Variants in ACTR10 observed in about 807,000 individuals in gnomAD.
ACTR10 encodes actin related protein 10, also known as actin-related protein 10.
A neutral mutation model predicts 56.2 loss-of-function variants in ACTR10; 43 were observed. That is an observed-to-expected ratio of 0.77 (90% CI 0.60 to 0.99). The LOEUF is 0.99. Among genes scored for constraint, ACTR10 ranks in the 50% least tolerant of loss-of-function variants. ACTR10 has a pLI of 0.00. For synonymous variants in ACTR10, 170 were observed against 176.3 expected, an observed-to-expected ratio of 0.96 and a Z score of 0.28; for missense variants, 466 against 507.8, an observed-to-expected ratio of 0.92 and a Z score of 0.79.
At chr14:58,215,104 C>CAAA in intron 6 of ACTR10, 101 bp from the exon 7 acceptor site, 1 of 661,484 alleles carries the variant, frequency 1.5e-6, no homozygotes, top group Non-Finnish European at 2.3e-6. Flanking sequence ...AGACTGTCTC[C>CAAA]AAAAAAAAAA....
chr14:58,206,282 TCTC>T (rs1425115217), intron 2 of ACTR10, among the ~76,000 whole-genome samples: 2 of 151,572 alleles, frequency 1.3e-5, no homozygotes, highest in Non-Finnish European at 1.5e-5. Context: ...TTCAAGCCAT[TCTC>T]CTCTCTCAGC....
intron 5 of ACTR10, among the ~76,000 whole-genome samples, chr14:58,212,747 C>G (rs913916698): frequency 6.6e-6 from 1 of 152,136 alleles, no homozygotes; most frequent in Non-Finnish European, 1.5e-5. Flanking sequence ...GTATACTTAG[C>G]AAACCCACAG....
At chr14:58,230,350 T>G (rs376715342) in intron 10 of ACTR10, 49 bp from the exon 11 acceptor site, 1 of 1,071,958 alleles carries the variant, frequency 9.3e-7, no homozygotes, top group African/African-American at 1.6e-5. Context: ...CTGTGTAATA[T>G]TATAATACGT....
At chr14:58,226,669 C>T (rs750396421) in intron 10 of ACTR10, among the ~76,000 whole-genome samples, 3 of 152,064 alleles carry the variant, frequency 2.0e-5, no homozygotes, top group Admixed American at 1.3e-4. Flanking sequence ...GATGTGGTCT[C>T]GGCTCACCAC....
intron 6 of ACTR10, among the ~76,000 whole-genome samples, chr14:58,214,847 T>G (rs1329767480): frequency 4.1e-5 from 6 of 147,640 alleles, no homozygotes; most frequent in Non-Finnish European, 9.0e-5. Context: ...GGCTCACACC[T>G]GTAATCCCAG....
intron 5 of ACTR10, 153 bp from the exon 6 acceptor site, chr14:58,213,478 C>CTT: frequency 2.1e-6 from 1 of 467,050 alleles, no homozygotes. Context: ...TGAAAAAAAA[C>CTT]TTACTCTTTG....
intron 1 of ACTR10, among the ~76,000 whole-genome samples, chr14:58,201,590 C>G (rs1888704751): frequency 6.6e-6 from 1 of 152,080 alleles, no homozygotes; most frequent in Admixed American, 6.6e-5. Context: ...GACAAGAAGA[C>G]AGGATGTTAA....
chr14:58,221,868 A>C (rs1889280423), intron 8 of ACTR10, among the ~76,000 whole-genome samples: 1 of 152,172 alleles, frequency 6.6e-6, no homozygotes, highest in Non-Finnish European at 1.5e-5. Flanking sequence ...CAGTGGGCTA[A>C]GATTGCGCCA....
At chr14:58,209,719 G>C (rs553130334) in intron 4 of ACTR10, among the ~76,000 whole-genome samples, 1 of 152,022 alleles carries the variant, frequency 6.6e-6, no homozygotes, top group East Asian at 1.9e-4. Flanking sequence ...TTTAAGATTA[G>C]TATATTTCAT....
At chr14:58,232,717 T>C (rs1028557458) in intron 12 of ACTR10, among the ~76,000 whole-genome samples, 1 of 151,908 alleles carries the variant, frequency 6.6e-6, no homozygotes, top group Admixed American at 6.6e-5. Flanking sequence ...CCCAGCTGAC[T>C]TTTTCTTAAA....
chr14:58,213,469 G>GA (rs924362484), intron 5 of ACTR10, 162 bp from the exon 6 acceptor site: 66 of 468,582 alleles, frequency 1.4e-4, no homozygotes, highest in Non-Finnish European at 2.1e-4. Flanking sequence ...TGAAGAACAT[G>GA]AAAAAAAACT....
At chr14:58,229,763 A>G (rs1403983663) in intron 10 of ACTR10, among the ~76,000 whole-genome samples, 1 of 151,636 alleles carries the variant, frequency 6.6e-6, no homozygotes, top group African/African-American at 2.4e-5. Flanking sequence ...GAATGTAGTA[A>G]TTACTTCATT....
intron 7 of ACTR10, among the ~76,000 whole-genome samples, chr14:58,219,090 G>T (rs1351252361): frequency 6.6e-6 from 1 of 152,166 alleles, no homozygotes; most frequent in Non-Finnish European, 1.5e-5. Context: ...ATAGCGCTGG[G>T]ATTACAGGCG....
intron 4 of ACTR10, among the ~76,000 whole-genome samples, chr14:58,210,727 T>G (rs1356874762): frequency 1.3e-5 from 2 of 150,140 alleles, no homozygotes; most frequent in Non-Finnish European, 3.0e-5. Flanking sequence ...CAGGCTGGAG[T>G]GCAATGGCGC....
chr14:58,224,888 C>G (rs944337917), intron 10 of ACTR10, among the ~76,000 whole-genome samples: 1 of 151,780 alleles, frequency 6.6e-6, no homozygotes, highest in African/African-American at 2.4e-5. Flanking sequence ...ACTCAGGAGG[C>G]TGAGGCAGGA....
At chr14:58,205,850 C>T (rs1377977607) in intron 2 of ACTR10, among the ~76,000 whole-genome samples, 1 of 151,852 alleles carries the variant, frequency 6.6e-6, no homozygotes, top group Non-Finnish European at 1.5e-5. Flanking sequence ...GGTGAAACCC[C>T]ATCTCTACTA....
intron 7 of ACTR10, among the ~76,000 whole-genome samples, chr14:58,216,230 T>A (rs948926595): frequency 6.6e-6 from 1 of 152,194 alleles, no homozygotes; most frequent in Non-Finnish European, 1.5e-5. Flanking sequence ...GCTCAAGCCA[T>A]CCTCCATTCT....
intron 10 of ACTR10, among the ~76,000 whole-genome samples, chr14:58,227,210 G>T (rs1889425355): frequency 2.0e-5 from 3 of 149,800 alleles, no homozygotes; most frequent in African/African-American, 2.4e-5. Context: ...AGAGCTTAAA[G>T]TTACTAGGAA....
At position 58,235,615 on chromosome 14, in the gene ACTR10, A is replaced by C. The variant is rs916742974; in HGVS notation, c.*1064A>C. On this transcript the variant is annotated 3_prime_UTR_variant, in exon 13 of 13. Transcript: ENST00000254286. Reference sequence around the variant, plus strand: ...TTATTTTATTTTTTCATTTGTTTTTAATGAACTACCTCTTGTTGAAATTTT... The same window carrying C: ...TTATTTTATTTTTTCATTTGTTTTTCATGAACTACCTCTTGTTGAAATTTT... 6.6e-6 allele frequency: 1 copy of C among 152,124 alleles called. No individual in the cohort carries two copies. Among genetic ancestry groups the C allele is most frequent in the African/African-American group, 2.4e-5 (1 of 41,418 alleles). The allele number at this position is 152,124 out of a possible 1,614,324, so 9.4% of individuals were successfully genotyped here.
Sources: allele counts gnomAD v4.1 joint callset (sites outside exome capture counted in the v4.1 genomes callset), GRCh38; gene constraint gnomAD v4.1.1; transcripts MANE v1.5; gene names NCBI Gene and HGNC (gene_info 2026-07-23, HGNC 2026-07-21).